CABLES1: variants seen among roughly 807,000 people sequenced by gnomAD.
The protein encoded by CABLES1 is CDK5 and ABL1 enzyme substrate 1.
A neutral mutation model predicts 57.8 loss-of-function variants in CABLES1; 36 were observed. The ratio of observed to expected loss-of-function variants is 0.62; its 90% confidence interval spans 0.48 to 0.82. CABLES1 has a LOEUF of 0.82. Ranked by LOEUF, CABLES1 falls within the 40% of genes least tolerant of loss-of-function variation. CABLES1 has a pLI of 0.00. For synonymous variants in CABLES1, 374 were observed against 363.0 expected (o/e 1.03, Z -0.35); for missense variants, 767 against 836.6 (o/e 0.92, Z 1.03).
chr18:23,255,735 A>AT (rs976322348), intron 9 of CABLES1, among the ~76,000 whole-genome samples: 1 of 151,322 alleles, frequency 6.6e-6, no homozygotes, highest in Non-Finnish European at 1.5e-5. Flanking sequence ...AATTTTTTTT[A>AT]TTTTTTATAG....
intron 1 of CABLES1, among the ~76,000 whole-genome samples, chr18:23,151,587 G>T (rs1039212591): frequency 2.0e-5 from 3 of 152,222 alleles, no homozygotes; most frequent in African/African-American, 7.2e-5. Flanking sequence ...GTAATCCACC[G>T]ACAGATGGAA....
At chr18:23,201,002 C>T (rs1375061765) in intron 3 of CABLES1, among the ~76,000 whole-genome samples, 1 of 152,158 alleles carries the variant, frequency 6.6e-6, no homozygotes, top group Non-Finnish European at 1.5e-5. Context: ...GGCGTAAAGG[C>T]CCAGAAGCCT....
At chr18:23,245,379 C>T (rs1409500302) in intron 7 of CABLES1, among the ~76,000 whole-genome samples, 2 of 151,904 alleles carry the variant, frequency 1.3e-5, no homozygotes, top group Non-Finnish European at 2.9e-5. Flanking sequence ...GGCGTGGTGG[C>T]GTGCACCTGT....
At chr18:23,245,742 T>C (rs57988447) in intron 7 of CABLES1, among the ~76,000 whole-genome samples, 66 of 152,338 alleles carry the variant, frequency 4.3e-4, no homozygotes, top group African/African-American at 1.5e-3. Flanking sequence ...GACCTTCTCC[T>C]TTCCCTGTAC....
At chr18:23,137,238 A>G (rs1462829800) in intron 1 of CABLES1, among the ~76,000 whole-genome samples, 2 of 152,190 alleles carry the variant, frequency 1.3e-5, no homozygotes, top group Admixed American at 1.3e-4. Context: ...CTATTCCAAG[A>G]TGAATTTGCT....
In CABLES1 at chr18:23,259,683, A is replaced by T. The variant is rs1026845596; in HGVS notation, c.*2316A>T. On this transcript the variant is annotated 3_prime_UTR_variant, in exon 10 of 10. Transcript: ENST00000256925. ...CAAAGGAAGTGGAGGAGGGTGAGAG[A>T]TGCAGGTCACTGCCAGAGGCACCTC... The T allele has an allele frequency of 1.3e-5, 2 of 152,230 alleles. No individual in the cohort carries two copies. Among genetic ancestry groups the T allele is most frequent in the Non-Finnish European group, 2.9e-5 (2 of 68,096 alleles). 9.4% of individuals were successfully genotyped at this position (152,230 alleles called of 1,614,324 possible).
chr18:23,217,870 C>T (rs564317618), intron 4 of CABLES1, among the ~76,000 whole-genome samples: 28 of 152,364 alleles, frequency 1.8e-4, no homozygotes, highest in Admixed American at 1.3e-3. Context: ...CTTCCTGCTT[C>T]GCAGCTGAGG....
chr18:23,211,774 G>T (rs568701721), intron 3 of CABLES1, among the ~76,000 whole-genome samples: 162 of 152,360 alleles, frequency 1.1e-3, no homozygotes, highest in African/African-American at 3.5e-3. Context: ...AAAGCATTTA[G>T]AATTTGGCAC....
rs545410094 is a variant in CABLES1, at chr18:23,208,389, T to C, written c.1011-5588T>C. ...CATTTTGTTGGTGGTGGTGGTGTTT[T>C]CGTTCAGCTCTCATTATGCCATTGC... On this transcript the variant is annotated intron_variant, in intron 3 of 9. Coordinates refer to ENST00000256925, the MANE Select transcript of CABLES1 (RefSeq NM_001100619.3). Among the ~76,000 whole-genome samples the C allele has an allele frequency of 9.8e-5, 15 of 152,318 alleles. No individual in the cohort carries two copies. The East Asian group carries it at 2.9e-3, about 29-fold the overall frequency.
chr18:23,223,524 G>A (rs2047505097), intron 4 of CABLES1, among the ~76,000 whole-genome samples: 1 of 150,262 alleles, frequency 6.7e-6, no homozygotes, highest in Non-Finnish European at 1.5e-5. Context: ...GTTGCAGTGA[G>A]CCGAGATCTC....
Position 23,135,672 on chromosome 18 carries a change from C to T in CABLES1, c.-91C>T. On this transcript the variant is annotated 5_prime_UTR_variant, in exon 1 of 10. Coordinates refer to ENST00000256925, the MANE Select transcript of CABLES1 (RefSeq NM_001100619.3). ...CGCCCGATCCCCGCGCCCTACCCAG[C>T]CCGGGTCGCCGCCGCTCGCGCCCGC... The T allele has an allele frequency of 1.0e-6, 1 of 977,760 alleles. No individual in the cohort carries two copies. Among genetic ancestry groups the T allele is most frequent in the Non-Finnish European group, 1.2e-6 (1 of 824,812 alleles). 60.6% of individuals were successfully genotyped at this position (977,760 alleles called of 1,614,324 possible). A position where few individuals can be genotyped will look rare whatever the true frequency, so the allele number is the denominator to read the frequency against.
chr18:23,204,816 A>C (rs1342411788), intron 3 of CABLES1, among the ~76,000 whole-genome samples: 2 of 152,184 alleles, frequency 1.3e-5, no homozygotes, highest in African/African-American at 2.4e-5. Flanking sequence ...AAACCAACAG[A>C]TCTCCTGAGA....
intron 1 of CABLES1, among the ~76,000 whole-genome samples, chr18:23,158,261 C>G (rs2046978911): frequency 6.6e-6 from 1 of 152,136 alleles, no homozygotes; most frequent in South Asian, 2.1e-4. Context: ...GTGTTTGCAT[C>G]ACTGCATTCC....
chr18:23,250,445 G>A (rs778710397), intron 7 of CABLES1, among the ~76,000 whole-genome samples: 1 of 152,172 alleles, frequency 6.6e-6, no homozygotes, highest in Admixed American at 6.5e-5. Context: ...GTTAGATGTG[G>A]CCCCCATTCT....
chr18:23,199,969 G>A (rs1464348795), intron 3 of CABLES1, among the ~76,000 whole-genome samples: 1 of 152,168 alleles, frequency 6.6e-6, no homozygotes, highest in Non-Finnish European at 1.5e-5. Flanking sequence ...TACGGGTTCA[G>A]CAGATGTCAG....
intron 1 of CABLES1, among the ~76,000 whole-genome samples, chr18:23,164,488 C>G (rs1196388025): frequency 6.6e-6 from 1 of 152,070 alleles, no homozygotes; most frequent in African/African-American, 2.4e-5. Context: ...TTATCAGTTA[C>G]ACAGGTGGAA....
intron 1 of CABLES1, among the ~76,000 whole-genome samples, chr18:23,167,265 A>G (rs916164831): frequency 6.6e-6 from 1 of 151,824 alleles, no homozygotes; most frequent in Non-Finnish European, 1.5e-5. Flanking sequence ...GACTTCCTGG[A>G]TTTTTCCTCA....
chr18:23,180,814 T>A (rs2047159863), intron 1 of CABLES1, among the ~76,000 whole-genome samples: 1 of 152,154 alleles, frequency 6.6e-6, no homozygotes, highest in African/African-American at 2.4e-5. Flanking sequence ...TGAACACCAT[T>A]TCAAGAGCAA....
chr18:23,206,593 G>T (rs916948599), intron 3 of CABLES1, among the ~76,000 whole-genome samples: 4 of 152,210 alleles, frequency 2.6e-5, no homozygotes, highest in African/African-American at 9.6e-5. Flanking sequence ...CCATTGCTGG[G>T]ATGTCCACGT....
Sources: gnomAD v4.1 joint callset for allele counts (sites outside exome capture counted in the v4.1 genomes callset) on GRCh38, gnomAD v4.1.1 for gene constraint, MANE v1.5 for transcripts, NCBI Gene and HGNC (gene_info 2026-07-23, HGNC 2026-07-21) for gene names.